The following MAPKAPK3 variants were observed in gnomAD, a reference collection of about 807,000 sequenced individuals.
MAPKAPK3 encodes MAPK activated protein kinase 3, also known as MAP kinase-activated protein kinase 3.
In MAPKAPK3, 35 loss-of-function variants were observed where a neutral mutation model predicts 49.2. The observed-to-expected ratio is 0.71, with a 90% confidence interval of 0.54 to 0.94. The LOEUF (loss-of-function observed/expected upper bound fraction) is 0.94. Ranked by LOEUF, MAPKAPK3 falls within the 40% of genes least tolerant of loss-of-function variation. The probability of loss-of-function intolerance (pLI) is 0.00; values close to 1 mark genes in which losing one functional copy is unlikely to be tolerated. For missense variants in MAPKAPK3, 398 were observed against 493.1 expected (o/e 0.81, Z 1.83); for synonymous variants, 178 against 188.7 (o/e 0.94, Z 0.46).
At chr3:50,644,996 G>C (rs1014784856) in intron 6 of MAPKAPK3, among the ~76,000 whole-genome samples, 3 of 152,138 alleles carry the variant, frequency 2.0e-5, no homozygotes, top group African/African-American at 4.8e-5. Flanking sequence ...ACATACTCAT[G>C]CTTCCTGGAA....
At chr3:50,638,097 G>A (rs2033086789) in intron 2 of MAPKAPK3, among the ~76,000 whole-genome samples, 1 of 152,160 alleles carries the variant, frequency 6.6e-6, no homozygotes, top group Non-Finnish European at 1.5e-5. Flanking sequence ...TGTGAGCTTG[G>A]ACTTTTAAGA....
rs1255878697 is a variant in MAPKAPK3, at chr3:50,644,460, A to G, written c.556A>G (p.Thr186Ala). 2.5e-6 allele frequency: 4 copies of G among 1,614,012 alleles called. No individual in the cohort carries two copies. In the African/African-American group the frequency reaches 5.3e-5, roughly 22 times the overall value. Residue 186 changes from threonine to alanine, a missense_variant, in exon 6 of 11, where the codon ACC becomes GCC. Transcript: ENST00000621469. Reference protein sequence around the residue: ...SKEKDAVLKLTDFGFAKETTQ... With the variant: ...SKEKDAVLKLADFGFAKETTQ... The stretch of plus-strand genomic sequence containing the variant: ...GGAGAAAGACGCAGTGCTTAAGCTC[A>G]CCGATTTTGGCTTTGCTAAGGAGAC...
At chr3:50,621,399 C>G (rs1441793003) in intron 2 of MAPKAPK3, among the ~76,000 whole-genome samples, 1 of 152,074 alleles carries the variant, frequency 6.6e-6, no homozygotes, top group Non-Finnish European at 1.5e-5. Flanking sequence ...CGAGACCAAC[C>G]TGGCCAACCT....
chr3:50,621,703 T>C (rs924819322), intron 2 of MAPKAPK3, among the ~76,000 whole-genome samples: 14 of 150,366 alleles, frequency 9.3e-5, no homozygotes, highest in Admixed American at 8.6e-4. Flanking sequence ...AGCCTAGGGG[T>C]TTGAGGCTGC....
intron 2 of MAPKAPK3, among the ~76,000 whole-genome samples, chr3:50,627,990 T>C (rs936017348): frequency 6.6e-6 from 1 of 152,146 alleles, no homozygotes; most frequent in Non-Finnish European, 1.5e-5. Flanking sequence ...GCTGAGCAGA[T>C]ATGAGATAGA....
intron 6 of MAPKAPK3, among the ~76,000 whole-genome samples, chr3:50,644,841 C>T (rs990716866): frequency 3.9e-5 from 6 of 152,172 alleles, no homozygotes; most frequent in African/African-American, 4.8e-5. Flanking sequence ...GGAGCCCAAC[C>T]GCGGTTGTTT....
Position 50,644,406 on chromosome 3 carries a change from C to T in MAPKAPK3, c.505-3C>T. 6.2e-7 allele frequency: 1 copy of T among 1,614,030 alleles called. No homozygotes were observed. Among genetic ancestry groups the T allele is most frequent in the Non-Finnish European group, 8.5e-7 (1 of 1,179,928 alleles). The stretch of plus-strand genomic sequence containing the variant: ...AAACCAATGTTTTCTCTTTCTGGCC[C>T]AGCCTGAAAACCTACTCTACACATC... On this transcript the variant is annotated splice_region_variant and splice_polypyrimidine_tract_variant and intron_variant, in intron 5 of 10. Transcript: ENST00000621469.
chr3:50,614,346 G>A (rs974557683), upstream of MAPKAPK3, among the ~76,000 whole-genome samples: 3 of 152,008 alleles, frequency 2.0e-5, no homozygotes, highest in Non-Finnish European at 2.9e-5. Flanking sequence ...TGCACCCCAG[G>A]GATTGAACTT....
At chr3:50,612,895 A>T (rs1158549329), upstream of MAPKAPK3, 1 of 152,204 alleles carries the variant, frequency 6.6e-6, no homozygotes, top group Non-Finnish European at 1.5e-5. Flanking sequence ...TGCTCCCGTT[A>T]TGCGGACAGA....
At position 50,645,834 on chromosome 3, in the gene MAPKAPK3, C is replaced by G. The variant is rs774560348; in HGVS notation, c.704+49C>G. On this transcript the variant is annotated intron_variant, in intron 7 of 10. Coordinates refer to ENST00000621469, the MANE Select transcript of MAPKAPK3 (RefSeq NM_001243925.2). Reference sequence around the variant, plus strand: ...CCTCCATCTCCTGCCCTTACCCCCACTGTGAGCCCTCAGGACCACTTCTGT... The same window carrying G: ...CCTCCATCTCCTGCCCTTACCCCCAGTGTGAGCCCTCAGGACCACTTCTGT... 6 of 1,563,182 alleles carry G rather than the reference C, an allele frequency of 3.8e-6. No individual in the cohort carries two copies. The East Asian group carries it at 1.1e-4, about 29-fold the overall frequency.
rs774924055 is a variant in MAPKAPK3 at position 50,617,719 on chromosome 3, C to T, written c.154C>T (p.Leu52=). The T allele has an allele frequency of 6.2e-7, 1 of 1,613,686 alleles. No homozygotes were observed. Among genetic ancestry groups the T allele is most frequent in the Non-Finnish European group, 8.5e-7 (1 of 1,180,004 alleles). ...DYQLSKQVLG[L]GVNGKVLECF... ...CCAGTTGTCCAAGCAGGTGCTGGGC[C>T]TGGGTGTGAACGGCAAAGTGCTGGA... is the stretch of plus-strand genomic sequence containing the variant. Residue 52 remains leucine, a synonymous_variant, in exon 2 of 11, where the codon CTG becomes TTG. Coordinates refer to ENST00000621469, the MANE Select transcript of MAPKAPK3 (RefSeq NM_001243925.2).
chr3:50,647,501 C>T (rs977349687), intron 10 of MAPKAPK3, among the ~76,000 whole-genome samples: 2 of 152,202 alleles, frequency 1.3e-5, no homozygotes, highest in African/African-American at 2.4e-5. Context: ...TGGTTTAGAC[C>T]CAGCAGAGGC....
At chr3:50,645,667 G>T in intron 6 of MAPKAPK3, 43 bp from the exon 7 acceptor site, 1 of 1,556,502 alleles carries the variant, frequency 6.4e-7, no homozygotes, top group Non-Finnish European at 8.9e-7. Context: ...TGGGCTCCAA[G>T]ACCCTTGGGT....
Position 50,646,785 on chromosome 3 carries a change from G to C in MAPKAPK3, c.875G>C (p.Arg292Thr). 2 of 1,614,048 alleles carry C rather than the reference G, an allele frequency of 1.2e-6. No homozygotes were observed. The highest frequency in any genetic ancestry group is 1.7e-6 in the Non-Finnish European group (2 of 1,180,002). ...RLLLKTDPTE[R>T]LTITQFMNHP... ...CTGTTGAAGACAGACCCCACAGAGA[G>C]GCTGACCATCACTCAGTTCATGAAC... The change falls in exon 9 of 11, where the codon AGG becomes ACG. Residue 292 changes from arginine to threonine, a missense_variant. Arg to Thr is a moderately conservative substitution (Grantham distance 71, BLOSUM62 -1). Transcript: ENST00000621469.
chr3:50,647,812 G>A (rs1030223415), intron 10 of MAPKAPK3, 82 bp from the exon 11 acceptor site: 1 of 1,385,810 alleles, frequency 7.2e-7, no homozygotes, highest in Non-Finnish European at 9.9e-7. Flanking sequence ...TGACATTAAG[G>A]GGCTGCCCAG....
rs948590054 is a variant in MAPKAPK3 at position 50,648,135 on chromosome 3, TC to T, written c.*90del. On this transcript the variant is annotated 3_prime_UTR_variant, in exon 11 of 11. Transcript: ENST00000621469. ...CCTGGCCAGGAGGGCCCAGGGTCAT[TC>T]TTTTAACAAAAGGATTATTTTGTTG... 56 of 1,324,150 alleles carry T rather than the reference TC, an allele frequency of 4.2e-5. No homozygotes were observed. In the African/African-American group the frequency reaches 7.4e-4, roughly 18 times the overall value. 82.0% of individuals were successfully genotyped at this position (1,324,150 alleles called of 1,614,324 possible).
upstream of MAPKAPK3, chr3:50,611,793 C>G (rs1180661156): frequency 3.4e-6 from 4 of 1,173,046 alleles, no homozygotes; most frequent in Non-Finnish European, 4.5e-6. Context: ...GTGGCGCGGA[C>G]CGCCTGCGAG....
intron 2 of MAPKAPK3, among the ~76,000 whole-genome samples, chr3:50,626,843 C>G (rs1323891904): frequency 6.6e-6 from 1 of 152,186 alleles, no homozygotes; most frequent in Admixed American, 6.5e-5. Context: ...CTCAGCCATT[C>G]CTCTCTGCGT....
chr3:50,646,776 C>G lies in MAPKAPK3; in HGVS notation c.866C>G (p.Pro289Arg). Residue 289 changes from proline (P) to arginine (R), a missense_variant, in exon 9 of 11, where the codon CCC becomes CGC. Physicochemically the swap from Pro to Arg is moderately radical, Grantham distance 103. This residue lies in a region of MAPKAPK3 where 152 missense variants were observed against 177.3 expected (regional missense o/e 0.86). Transcript: ENST00000621469. ...QLIRLLLKTD[P>R]TERLTITQFM... ...ATCCGCCTCCTGTTGAAGACAGACC[C>G]CACAGAGAGGCTGACCATCACTCAG... 2 of 1,614,070 alleles carry G rather than the reference C, an allele frequency of 1.2e-6. No individual in the cohort carries two copies. Among genetic ancestry groups the G allele is most frequent in the Non-Finnish European group, 1.7e-6 (2 of 1,180,016 alleles).
Sources: allele counts gnomAD v4.1 joint callset (sites outside exome capture counted in the v4.1 genomes callset), GRCh38; gene constraint gnomAD v4.1.1; regional missense constraint gnomAD v4.1.1; transcripts MANE v1.5; gene names NCBI Gene and HGNC (gene_info 2026-07-23, HGNC 2026-07-21).